Variants in MED15 observed in about 807,000 individuals in gnomAD.
The protein encoded by MED15 is mediator complex subunit 15, also known as mediator of RNA polymerase II transcription subunit 15.
A neutral mutation model predicts 118.7 loss-of-function variants in MED15; 41 were observed. The ratio of observed to expected loss-of-function variants is 0.35; its 90% CI spans 0.27 to 0.45. MED15 has a LOEUF of 0.45. Ranked by LOEUF, MED15 falls within the 20% of genes least tolerant of loss-of-function variation. The pLI is 1.00. For missense variants in MED15, 740 were observed against 1,025.5 expected, an observed-to-expected ratio of 0.72 and a Z score of 3.80; for synonymous variants, 436 against 413.9, an observed-to-expected ratio of 1.05 and a Z score of -0.65.
intron 1 of MED15, among the ~76,000 whole-genome samples, chr22:20,529,112 C>T (rs1209685268): frequency 6.6e-6 from 1 of 152,180 alleles, no homozygotes; most frequent in Non-Finnish European, 1.5e-5. Context: ...AGCTTTCCAG[C>T]TTCTAAAAGG....
chr22:20,565,120 C>G (rs1357625832), intron 6 of MED15, among the ~76,000 whole-genome samples: 1 of 152,066 alleles, frequency 6.6e-6, no homozygotes, highest in East Asian at 1.9e-4. Context: ...GAGACTCCGT[C>G]TCAAAAAAAA....
In MED15 at chr22:20,584,368, G is replaced by A. The variant is rs776651831; in HGVS notation, c.1746G>A (p.Leu582=). ...TCCTCTCTCTCTGCAGGTGTCCCCTGAAGACCTTGCAAAAGTGTGAGATCG... is the reference window on the plus strand; with the variant it reads ...TCCTCTCTCTCTGCAGGTGTCCCCTAAAGACCTTGCAAAAGTGTGAGATCG... ...ILTDPSKRCP[L]KTLQKCEIAL... is the part of the protein sequence containing the mutation. The change falls in exon 14 of 18, where the codon CTG becomes CTA. Residue 582 remains leucine (L), a synonymous_variant. Coordinates refer to ENST00000263205, the MANE Select transcript of MED15 (RefSeq NM_001003891.3). 6.2e-7 allele frequency: 1 copy of A among 1,613,650 alleles called. No homozygotes were observed. The highest frequency in any genetic ancestry group is 1.7e-5 in the Admixed American group (1 of 59,996).
At chr22:20,534,759 A>T (rs1187826884) in intron 1 of MED15, among the ~76,000 whole-genome samples, 4 of 152,110 alleles carry the variant, frequency 2.6e-5, no homozygotes, top group Non-Finnish European at 5.9e-5. Flanking sequence ...CTCCCAGCCC[A>T]CCCATGCCTC....
At chr22:20,525,802 T>C (rs1196261635) in intron 1 of MED15, among the ~76,000 whole-genome samples, 1 of 152,098 alleles carries the variant, frequency 6.6e-6, no homozygotes, top group African/African-American at 2.4e-5. Flanking sequence ...TCCCGAAGTG[T>C]TGGGATTACA....
chr22:20,567,143 C>T (rs537971725), intron 7 of MED15, among the ~76,000 whole-genome samples: 1 of 152,168 alleles, frequency 6.6e-6, no homozygotes, highest in African/African-American at 2.4e-5. Flanking sequence ...CTGATGAGCA[C>T]CACATGAAAG....
chr22:20,519,583 T>C (rs556610277), intron 1 of MED15, among the ~76,000 whole-genome samples: 210 of 152,176 alleles, frequency 1.4e-3, no homozygotes, highest in African/African-American at 4.9e-3. Context: ...GCCTTCTGAG[T>C]GGCTGGGATT....
At position 20,586,278 on chromosome 22, in the gene MED15, C is replaced by CCAGAGCTGGCACACAG. The variant is rs67829084; in HGVS notation, c.2231-257_2231-242dup. ...CGGTGGCAGGGGGCAGTCTCTGAGCCCAGAGCTGGCACACAGCAGAGCTGG... is the reference window on the plus strand; with the variant it reads ...CGGTGGCAGGGGGCAGTCTCTGAGCCCAGAGCTGGCACACAGCAGAGCTGGCACACAGCAGAGCTGG... On this transcript the variant is annotated intron_variant, in intron 17 of 17. Coordinates refer to ENST00000263205, the MANE Select transcript of MED15 (RefSeq NM_001003891.3). Among the ~76,000 whole-genome samples, 278 of 152,182 alleles carry CCAGAGCTGGCACACAG rather than the reference C, an allele frequency of 1.8e-3. 2 individuals are homozygous for CCAGAGCTGGCACACAG. In the South Asian group the frequency reaches 0.029, roughly 16 times the overall value.
intron 8 of MED15, among the ~76,000 whole-genome samples, chr22:20,573,452 A>T (rs904576170): frequency 6.6e-6 from 1 of 152,136 alleles, no homozygotes; most frequent in South Asian, 2.1e-4. Flanking sequence ...ACCCTGGAGG[A>T]CCCTCTCTCT....
chr22:20,534,739 G>A (rs879459501), intron 1 of MED15, among the ~76,000 whole-genome samples: 9 of 152,164 alleles, frequency 5.9e-5, no homozygotes, highest in Non-Finnish European at 1.3e-4. Flanking sequence ...GAGAGCATGA[G>A]TACAGGGTCC....
At chr22:20,555,834 A>G (rs1224325223) in intron 5 of MED15, among the ~76,000 whole-genome samples, 1 of 152,178 alleles carries the variant, frequency 6.6e-6, no homozygotes. Flanking sequence ...TGATCCTCAC[A>G]CCACAGCCTC....
chr22:20,545,265 G>C (rs1384330630), intron 2 of MED15, among the ~76,000 whole-genome samples: 3 of 152,086 alleles, frequency 2.0e-5, no homozygotes, highest in African/African-American at 7.2e-5. Flanking sequence ...GATCACTTGA[G>C]GCCAAGAGTT....
In MED15 at chr22:20,564,434, T is replaced by C. The variant is rs370561313; in HGVS notation, c.452-16T>C. 8.2e-5 allele frequency: 133 copies of C among 1,613,436 alleles called. No individual in the cohort carries two copies. The African/African-American group carries it at 1.6e-3, about 20-fold the overall frequency. On this transcript the variant is annotated splice_polypyrimidine_tract_variant and intron_variant, in intron 5 of 17. Coordinates refer to ENST00000263205, the MANE Select transcript of MED15 (RefSeq NM_001003891.3). ...TCTGCCCTGTGGACTGACTGGCGAC[T>C]CTGGTCTTTTCTCAGCCCAGCTGCA...
intron 1 of MED15, among the ~76,000 whole-genome samples, chr22:20,511,113 C>G (rs1267633982): frequency 6.6e-6 from 1 of 152,172 alleles, no homozygotes; most frequent in South Asian, 2.1e-4. Context: ...CTAGACATAC[C>G]TTTAACTCTT....
chr22:20,554,972 C>G lies in MED15; in HGVS notation c.275C>G (p.Pro92Arg). 2.5e-6 allele frequency: 4 copies of G among 1,610,404 alleles called. No individual in the cohort carries two copies. Among genetic ancestry groups the G allele is most frequent in the Non-Finnish European group, 2.5e-6 (3 of 1,179,960 alleles). Residue 92 changes from proline to arginine, a missense_variant, in exon 5 of 18, where the codon CCT (proline) becomes CGT (arginine). Pro to Arg is a moderately radical substitution (Grantham distance 103, BLOSUM62 -2). Coordinates refer to ENST00000263205, the MANE Select transcript of MED15 (RefSeq NM_001003891.3). ...MNALQSLTGG[P>R]AAGAAGIGMP... Reference sequence around the variant, plus strand: ...GCACTCCAGAGCCTGACTGGCGGACCTGCTGCGGGAGCCGCTGGAATTGGC... The same window carrying G: ...GCACTCCAGAGCCTGACTGGCGGACGTGCTGCGGGAGCCGCTGGAATTGGC...
chr22:20,528,362 A>G (rs1180155223), intron 1 of MED15, among the ~76,000 whole-genome samples: 1 of 152,192 alleles, frequency 6.6e-6, no homozygotes, highest in Non-Finnish European at 1.5e-5. Flanking sequence ...CCGGCAGATG[A>G]GGATGGTTTC....
intron 5 of MED15, 152 bp from the exon 6 acceptor site, chr22:20,564,298 T>G: frequency 2.2e-6 from 3 of 1,364,222 alleles, no homozygotes; most frequent in Non-Finnish European, 3.0e-6. Flanking sequence ...TCGTATTCTA[T>G]CTTTCTGTCT....
chr22:20,567,068 G>A (rs11705359), intron 7 of MED15, among the ~76,000 whole-genome samples: 1 of 152,100 alleles, frequency 6.6e-6, no homozygotes, highest in Non-Finnish European at 1.5e-5. Context: ...GCACCAAGTC[G>A]CATTCCAAGC....
chr22:20,543,632 A>G (rs751603847), intron 2 of MED15, among the ~76,000 whole-genome samples: 4 of 150,754 alleles, frequency 2.7e-5, no homozygotes, highest in Non-Finnish European at 5.9e-5. Context: ...ATCTCGGCTC[A>G]TTGCAACCCC....
chr22:20,585,308 C>T, intron 16 of MED15, 41 bp downstream of exon 16: 3 of 1,600,566 alleles, frequency 1.9e-6, no homozygotes, highest in Non-Finnish European at 2.6e-6. Flanking sequence ...GGAAAGCAGG[C>T]CCTGACCGCA....
Sources: gnomAD v4.1 joint callset for allele counts (sites outside exome capture counted in the v4.1 genomes callset) on GRCh38, gnomAD v4.1.1 for gene constraint, MANE v1.5 for transcripts, NCBI Gene and HGNC (gene_info 2026-07-23, HGNC 2026-07-21) for gene names.